OCIAD1: variants seen among roughly 807,000 people sequenced by gnomAD.
The protein encoded by OCIAD1 is OCIA domain-containing protein 1.
OCIAD1 carries 29 observed loss-of-function variants against 38.9 expected under a neutral mutation model. The observed-to-expected ratio is 0.74, with a 90% CI of 0.55 to 1.02. The LOEUF is 1.02. Among genes scored for constraint, OCIAD1 ranks in the 50% least tolerant of loss-of-function variants. The pLI is 0.00. For synonymous variants in OCIAD1, 110 were observed against 92.0 expected, an observed-to-expected ratio of 1.20 and a Z score of -1.12; for missense variants, 288 against 289.6, an observed-to-expected ratio of 0.99 and a Z score of 0.04.
chr4:48,845,866 C>T (rs1244075063), intron 4 of OCIAD1, among the ~76,000 whole-genome samples: 1 of 152,234 alleles, frequency 6.6e-6, no homozygotes, highest in Non-Finnish European at 1.5e-5. Context: ...GTACTGCCAG[C>T]ATAATTAATG....
At chr4:48,848,346 G>A (rs767266784) in intron 4 of OCIAD1, 53 bp from the exon 5 acceptor site, 24 of 846,522 alleles carry the variant, frequency 2.8e-5, no homozygotes, top group Non-Finnish European at 4.3e-5. Flanking sequence ...AGCCTTTACT[G>A]ATTTTTCTTT....
At chr4:48,857,426 A>T in intron 8 of OCIAD1, 61 bp downstream of exon 8, 1 of 1,010,030 alleles carries the variant, frequency 9.9e-7, no homozygotes, top group Non-Finnish European at 1.4e-6. Context: ...ACATTACTTT[A>T]AAACAATACT....
At chr4:48,830,095 C>A (rs1343597736), upstream of OCIAD1, among the ~76,000 whole-genome samples, 1 of 152,172 alleles carries the variant, frequency 6.6e-6, no homozygotes, top group Non-Finnish European at 1.5e-5. Context: ...GCAAAGACCT[C>A]CAGGCTGTTT....
At chr4:48,814,343 A>G (rs2109490080) in intron 1 of OCIAD1, among the ~76,000 whole-genome samples, 1 of 149,852 alleles carries the variant, frequency 6.7e-6, no homozygotes, top group East Asian at 1.9e-4. Flanking sequence ...TTTTTTTCAA[A>G]TATTTGTTAT....
intron 1 of OCIAD1, among the ~76,000 whole-genome samples, chr4:48,806,484 A>C (rs1261007739): frequency 6.6e-6 from 1 of 152,186 alleles, no homozygotes; most frequent in Non-Finnish European, 1.5e-5. Flanking sequence ...AGAATGTTTA[A>C]AACTCATTTC....
upstream of OCIAD1, among the ~76,000 whole-genome samples, chr4:48,829,565 G>C (rs866474307): frequency 6.6e-6 from 1 of 152,122 alleles, no homozygotes; most frequent in Non-Finnish European, 1.5e-5. Context: ...CAATAAGCAA[G>C]GTAACATGGA....
At chr4:48,849,848 TTA>T (rs1197621097) in intron 5 of OCIAD1, 97 bp from the exon 6 acceptor site, 1 of 955,152 alleles carries the variant, frequency 1.0e-6, no homozygotes, top group Non-Finnish European at 1.6e-6. Context: ...AACCAAAGAC[TTA>T]TTTAGAATCA....
chr4:48,837,979 G>A (rs1167849764), intron 3 of OCIAD1, among the ~76,000 whole-genome samples: 3 of 152,130 alleles, frequency 2.0e-5, no homozygotes, highest in Non-Finnish European at 4.4e-5. Context: ...ACAGTACAAA[G>A]CTAAGTGATT....
At chr4:48,847,604 C>T (rs1779080837) in intron 4 of OCIAD1, among the ~76,000 whole-genome samples, 1 of 152,108 alleles carries the variant, frequency 6.6e-6, no homozygotes, top group African/African-American at 2.4e-5. Context: ...GGTACATTTT[C>T]CCCTGTTAAT....
At chr4:48,858,805 A>G (rs1195355275) in intron 8 of OCIAD1, among the ~76,000 whole-genome samples, 1 of 152,196 alleles carries the variant, frequency 6.6e-6, no homozygotes, top group Non-Finnish European at 1.5e-5. Flanking sequence ...CTTCTAAGGC[A>G]TTTCTTAAAG....
intron 1 of OCIAD1, among the ~76,000 whole-genome samples, chr4:48,805,577 C>G (rs1777015808): frequency 6.6e-6 from 1 of 151,890 alleles, no homozygotes; most frequent in Non-Finnish European, 1.5e-5. Flanking sequence ...TGGTAAAAAT[C>G]CCAGCTACTC....
At chr4:48,827,510 G>A (rs562830907), upstream of OCIAD1, among the ~76,000 whole-genome samples, 12 of 152,260 alleles carry the variant, frequency 7.9e-5, no homozygotes, top group Admixed American at 2.6e-4. Context: ...TCGACTTCCC[G>A]CAAGTCTTTG....
At chr4:48,831,840 A>G (rs1777534985) in intron 1 of OCIAD1, among the ~76,000 whole-genome samples, 1 of 152,184 alleles carries the variant, frequency 6.6e-6, no homozygotes, top group African/African-American at 2.4e-5. Context: ...GGAAGGGCTC[A>G]GTTGCTGTCC....
intron 1 of OCIAD1, among the ~76,000 whole-genome samples, chr4:48,824,344 A>G (rs1380889049): frequency 6.6e-6 from 1 of 152,112 alleles, no homozygotes; most frequent in Non-Finnish European, 1.5e-5. Flanking sequence ...AGTATTTACA[A>G]TTGAAATTAC....
rs1175940545 is a variant in OCIAD1 at position 48,852,912 on chromosome 4, T to C, written c.547+937T>C. ...TTTTTTTTTTTTTGAGATGGAGTCT[T>C]GCTCTGTCGCCCAGTCTGGACTGTA... On this transcript the variant is annotated intron_variant, in intron 7 of 8. Transcript: ENST00000264312. Among the ~76,000 whole-genome samples, 7 of 150,224 alleles carry C rather than the reference T, an allele frequency of 4.7e-5. No homozygotes were observed. In the Admixed American group the frequency reaches 4.7e-4, roughly 10 times the overall value.
Position 48,831,221 on chromosome 4 carries a change from T to C in OCIAD1, c.-34T>C. ...TCTGCCCCTGATCGCTTGGTTTTCCTTGCAGTCGCCTGCTGCTGTCGTCGG... is the reference window on the plus strand; with the variant it reads ...TCTGCCCCTGATCGCTTGGTTTTCCCTGCAGTCGCCTGCTGCTGTCGTCGG... On this transcript the variant is annotated 5_prime_UTR_variant, in exon 1 of 9. Coordinates refer to ENST00000264312, the MANE Select transcript of OCIAD1 (RefSeq NM_017830.4). 5.9e-6 allele frequency: 2 copies of C among 341,506 alleles called. No homozygotes were observed. The highest frequency in any genetic ancestry group is 4.4e-5 in the South Asian group (2 of 45,822). The allele number at this position is 341,506 out of a possible 1,614,324, so 21.2% of individuals were successfully genotyped here.
At chr4:48,828,289 T>C (rs1303459705), upstream of OCIAD1, among the ~76,000 whole-genome samples, 8 of 152,228 alleles carry the variant, frequency 5.3e-5, no homozygotes, top group East Asian at 1.5e-3. Flanking sequence ...AGCTCATGGA[T>C]TGTAAATGCA....
chr4:48,853,980 G>A (rs1330571290), intron 7 of OCIAD1, among the ~76,000 whole-genome samples: 2 of 152,076 alleles, frequency 1.3e-5, no homozygotes, highest in Non-Finnish European at 2.9e-5. Context: ...GGAAGCAAAG[G>A]CATCAAATTA....
chr4:48,807,653 G>A (rs1777042627), intron 1 of OCIAD1, among the ~76,000 whole-genome samples: 2 of 151,860 alleles, frequency 1.3e-5, no homozygotes, highest in South Asian at 4.2e-4. Context: ...TTAATCACTG[G>A]TTTCCGGTTG....
Sources: gnomAD v4.1 joint callset for allele counts (sites outside exome capture counted in the v4.1 genomes callset) on GRCh38, gnomAD v4.1.1 for gene constraint, MANE v1.5 for transcripts, NCBI Gene and HGNC (gene_info 2026-07-23, HGNC 2026-07-21) for gene names.